The following BPIFA2 variants were observed in gnomAD, a reference collection of about 807,000 sequenced individuals.
BPIFA2 encodes BPI fold containing family A member 2, also known as BPI fold-containing family A member 2.
Under a neutral mutation model 25.7 loss-of-function variants are expected in BPIFA2, and 20 were observed. The ratio of observed to expected loss-of-function variants is 0.78; its 90% confidence interval spans 0.55 to 1.13. The LOEUF (loss-of-function observed/expected upper bound fraction) is 1.13. BPIFA2 is among the 50% of genes most tolerant of loss of function. The pLI is 0.00. For synonymous variants in BPIFA2, 126 were observed against 124.3 expected (o/e 1.01, Z -0.09); for missense variants, 300 against 298.1 (o/e 1.01, Z -0.05).
In BPIFA2 at chr20:33,178,084, T is replaced by C. The variant is rs8125148; in HGVS notation, c.564-63T>C. On this transcript the variant is annotated intron_variant, in intron 5 of 8. Coordinates refer to ENST00000354932, the MANE Select transcript of BPIFA2 (RefSeq NM_080574.4). ...GTATTTCCCGCACCGCCCCCAACTTTTTGGCAGTTCTCCCATCTCTTGCCC... is the reference window on the plus strand; with the variant it reads ...GTATTTCCCGCACCGCCCCCAACTTCTTGGCAGTTCTCCCATCTCTTGCCC... 6.9e-3 allele frequency: 9,094 copies of C among 1,315,736 alleles called. 357 individuals are homozygous for C. In the African/African-American group the frequency reaches 0.1, roughly 14 times the overall value. 81.5% of individuals were successfully genotyped at this position (1,315,736 alleles called of 1,614,324 possible). A position where few individuals can be genotyped will look rare whatever the true frequency, so the allele number is the denominator to read the frequency against.
chr20:33,179,751 C>G (rs1165409255), intron 7 of BPIFA2, 84 bp downstream of exon 7: 17 of 1,379,064 alleles, frequency 1.2e-5, no homozygotes, highest in Non-Finnish European at 7.2e-6. Context: ...TCAGGGGACC[C>G]TGGAGAAGCA....
At chr20:33,175,936 C>T (rs1250094302) in intron 5 of BPIFA2, among the ~76,000 whole-genome samples, 1 of 152,138 alleles carries the variant, frequency 6.6e-6, no homozygotes, top group Non-Finnish European at 1.5e-5. Flanking sequence ...TTCATTTCGC[C>T]TTTCAACTCG....
In BPIFA2 at chr20:33,174,194, T is replaced by A. The variant is rs1983999730; in HGVS notation, c.410+8T>A. 5 of 1,613,206 alleles carry A rather than the reference T, an allele frequency of 3.1e-6. No individual in the cohort carries two copies. Among genetic ancestry groups the A allele is most frequent in the Non-Finnish European group, 2.5e-6 (3 of 1,179,170 alleles). On this transcript the variant is annotated splice_region_variant and intron_variant, in intron 4 of 8. Transcript: ENST00000354932. ...GAATGTCACTGTGGCCGGGTGAGTA[T>A]GCACTAGAATCTGAGATTTGGGAAA...
At chr20:33,180,738 G>C (rs1392054123) in intron 8 of BPIFA2, 141 bp downstream of exon 8, 1 of 658,606 alleles carries the variant, frequency 1.5e-6, no homozygotes, top group Admixed American at 2.7e-5. Flanking sequence ...TCCCAGGCTA[G>C]GCCCTGATTC....
chr20:33,178,927 G>C (rs1437903602), intron 6 of BPIFA2, among the ~76,000 whole-genome samples: 1 of 152,178 alleles, frequency 6.6e-6, no homozygotes, highest in African/African-American at 2.4e-5. Flanking sequence ...ACAGGAGCAA[G>C]AGATACTCCG....
chr20:33,174,008 C>A, intron 3 of BPIFA2, 71 bp from the exon 4 acceptor site: 2 of 1,279,766 alleles, frequency 1.6e-6, no homozygotes, highest in Non-Finnish European at 2.3e-6. Flanking sequence ...CAGCTCGAGG[C>A]TGGCCCAGGG....
chr20:33,174,286 A>C, intron 4 of BPIFA2, 100 bp downstream of exon 4: 1 of 1,032,496 alleles, frequency 9.7e-7, no homozygotes, highest in Non-Finnish European at 1.5e-6. Context: ...TGCTGGGTGA[A>C]CTTGGGCCTC....
At chr20:33,165,024 G>A (rs532021736), upstream of BPIFA2, among the ~76,000 whole-genome samples, 8 of 152,320 alleles carry the variant, frequency 5.3e-5, no homozygotes, top group South Asian at 2.1e-4. Flanking sequence ...TGTGGAATCC[G>A]GGACTTAGGG....
chr20:33,175,685 AC>A lies in BPIFA2; in HGVS notation c.563+128del. On this transcript the variant is annotated intron_variant, in intron 5 of 8. Transcript: ENST00000354932. The stretch of plus-strand genomic sequence containing the variant: ...GTGTTCAGGCTCTGGAGTCATGTTG[AC>A]CTTGGTTTACACATCAGCTCTGCCA... 4 of 1,041,096 alleles carry A rather than the reference AC, an allele frequency of 3.8e-6. No individual in the cohort carries two copies. The South Asian group carries it at 7.1e-5, about 18-fold the overall frequency. 64.5% of individuals were successfully genotyped at this position (1,041,096 alleles called of 1,614,324 possible).
In BPIFA2 at chr20:33,178,235, C is replaced by G. The variant is rs762021343; in HGVS notation, c.645+7C>G. 1.3e-6 allele frequency: 2 copies of G among 1,573,018 alleles called. No homozygotes were observed. The highest frequency in any genetic ancestry group is 2.2e-5 in the South Asian group (2 of 88,932). ...CTCCCTGCTGCAGAAGGAGGTGAGT[C>G]TCCCACTCCTTGGAGCCCAGATCCA... On this transcript the variant is annotated splice_region_variant and intron_variant, in intron 6 of 8. Coordinates refer to ENST00000354932, the MANE Select transcript of BPIFA2 (RefSeq NM_080574.4).
chr20:33,173,219 C>G lies in BPIFA2; in HGVS notation c.302+143C>G, dbSNP rs371637312. 1.2e-4 allele frequency: 119 copies of G among 953,750 alleles called. No individual in the cohort carries two copies. The African/African-American group carries it at 1.6e-3, about 13-fold the overall frequency. 59.1% of individuals were successfully genotyped at this position (953,750 alleles called of 1,614,324 possible). On this transcript the variant is annotated intron_variant, in intron 3 of 8. Transcript: ENST00000354932. Reference sequence around the variant, plus strand: ...CAAGGTGGTCTGAGCAAGGCCAGACCCACCAGAGCTTGAGTAAATTAGAGG... The same window carrying G: ...CAAGGTGGTCTGAGCAAGGCCAGACGCACCAGAGCTTGAGTAAATTAGAGG...
chr20:33,180,219 A>C (rs1984228100), intron 7 of BPIFA2, among the ~76,000 whole-genome samples: 1 of 151,880 alleles, frequency 6.6e-6, no homozygotes, highest in Non-Finnish European at 1.5e-5. Flanking sequence ...CCGCAATCTC[A>C]AAAAAAGAAA....
rs146039576 is a variant in BPIFA2, at chr20:33,175,965, C to A, written c.563+406C>A. Among the ~76,000 whole-genome samples the A allele has an allele frequency of 4.2e-3, 632 of 152,198 alleles. 2 individuals carry two copies. The highest frequency in any genetic ancestry group is 0.014 in the African/African-American group (589 of 41,512). ...CAACTCGGTCAGTTTCTGCTTCATA[C>A]CCTTTGGAGCTCTGTTGTTAGGTGC... On this transcript the variant is annotated intron_variant, in intron 5 of 8. Transcript: ENST00000354932.
At chr20:33,167,952 G>A (rs1287890233), upstream of BPIFA2, among the ~76,000 whole-genome samples, 1 of 152,192 alleles carries the variant, frequency 6.6e-6, no homozygotes, top group Non-Finnish European at 1.5e-5. Flanking sequence ...TCTTAGTCTT[G>A]GCGGAAAGCC....
intron 2 of BPIFA2, 83 bp downstream of exon 2, chr20:33,169,385 G>A: frequency 7.0e-7 from 1 of 1,420,914 alleles, no homozygotes; most frequent in Non-Finnish European, 9.8e-7. Context: ...CTGCCACCAG[G>A]GGCTACTCTT....
chr20:33,166,566 C>T (rs1445486030), upstream of BPIFA2, among the ~76,000 whole-genome samples: 1 of 152,144 alleles, frequency 6.6e-6, no homozygotes, highest in Non-Finnish European at 1.5e-5. Context: ...AGATAAAGAG[C>T]CTGAGGCTCA....
At chr20:33,162,380 C>T (rs1983607538) in intron 1 of BPIFA2, among the ~76,000 whole-genome samples, 1 of 152,174 alleles carries the variant, frequency 6.6e-6, no homozygotes. Context: ...CCAGTCCCTA[C>T]TAGCCAGGAT....
chr20:33,173,356 C>T (rs986215697), intron 3 of BPIFA2, among the ~76,000 whole-genome samples: 1 of 152,170 alleles, frequency 6.6e-6, no homozygotes, highest in African/African-American at 2.4e-5. Flanking sequence ...TTTGCTGGTA[C>T]ACAAAGTCCC....
At chr20:33,178,737 G>A (rs1160583622) in intron 6 of BPIFA2, among the ~76,000 whole-genome samples, 16 of 152,192 alleles carry the variant, frequency 1.1e-4, no homozygotes, top group Admixed American at 9.8e-4. Flanking sequence ...ACCCAGGAAT[G>A]TGGGTTTATA....
Sources: allele counts gnomAD v4.1 joint callset (sites outside exome capture counted in the v4.1 genomes callset), GRCh38; gene constraint gnomAD v4.1.1; transcripts MANE v1.5; gene names NCBI Gene and HGNC (gene_info 2026-07-23, HGNC 2026-07-21).